The following PPP5C variants were observed in gnomAD, a reference collection of about 807,000 sequenced individuals.
PPP5C encodes the protein serine/threonine-protein phosphatase 5.
Under a neutral mutation model 66.7 loss-of-function variants are expected in PPP5C, and 21 were observed. That is an observed-to-expected ratio of 0.31 (90% confidence interval 0.22 to 0.45). The LOEUF is 0.45. Among genes scored for constraint, PPP5C ranks in the 20% least tolerant of loss-of-function variants. The pLI is 1.00. For missense variants in PPP5C, 464 were observed against 675.9 expected, an observed-to-expected ratio of 0.69 and a Z score of 3.48; for synonymous variants, 246 against 257.4, an observed-to-expected ratio of 0.96 and a Z score of 0.43.
intron 1 of PPP5C, among the ~76,000 whole-genome samples, chr19:46,349,817 T>G (rs1601407875): frequency 1.4e-5 from 2 of 143,116 alleles, no homozygotes; most frequent in African/African-American, 2.6e-5. Flanking sequence ...GAAGTGAGAG[T>G]GGCTGCCTGG....
chr19:46,363,676 C>G (rs893328394), intron 2 of PPP5C, among the ~76,000 whole-genome samples: 1 of 151,948 alleles, frequency 6.6e-6, no homozygotes, highest in Non-Finnish European at 1.5e-5. Context: ...GATCTGCCCC[C>G]GCTCAGCCTC....
chr19:46,356,469 G>A (rs765525796), intron 2 of PPP5C, among the ~76,000 whole-genome samples: 25 of 152,212 alleles, frequency 1.6e-4, no homozygotes, highest in African/African-American at 2.7e-4. Context: ...GGCCTTGGGC[G>A]GGGGAGCTCC....
At chr19:46,367,641 G>A (rs1408196096) in intron 2 of PPP5C, among the ~76,000 whole-genome samples, 1 of 152,120 alleles carries the variant, frequency 6.6e-6, no homozygotes, top group Non-Finnish European at 1.5e-5. Context: ...AGGGGGCCCC[G>A]GCATCCCTGG....
At chr19:46,361,535 A>G in intron 2 of PPP5C, among the ~76,000 whole-genome samples, 1 of 146,956 alleles carries the variant, frequency 6.8e-6, no homozygotes, top group East Asian at 2.0e-4. Context: ...TCATGAGGTC[A>G]AGAGATCGAG....
rs760601651 is a variant in PPP5C, at chr19:46,347,122, C to T, written c.26C>T (p.Thr9Ile). The T allele has an allele frequency of 6.2e-7, 1 of 1,604,520 alleles. No homozygotes were observed. Among genetic ancestry groups the T allele is most frequent in the Non-Finnish European group, 8.5e-7 (1 of 1,175,816 alleles). Residue 9 changes from threonine to isoleucine, a missense_variant, in exon 1 of 13, where the codon ACT becomes ATT. This residue lies in a region of PPP5C where 77 missense variants were observed against 49.9 expected (regional missense o/e 1.54). Coordinates refer to ENST00000012443, the MANE Select transcript of PPP5C (RefSeq NM_006247.4). MAMAEGER[T>I]ECAEPPRDEP... Reference sequence around the variant, plus strand: ...ATGGCGATGGCGGAGGGCGAGAGGACTGAGTGTGCTGAGCCCCCCCGGGAC... The same window carrying T: ...ATGGCGATGGCGGAGGGCGAGAGGATTGAGTGTGCTGAGCCCCCCCGGGAC...
intron 7 of PPP5C, 39 bp downstream of exon 7, chr19:46,384,948 G>T (rs1972857027): frequency 1.4e-6 from 2 of 1,459,324 alleles, no homozygotes; most frequent in Non-Finnish European, 1.9e-6. Context: ...TCATTGTGGG[G>T]TCCTGAGTGG....
chr19:46,373,730 G>GCGGGGTGGACAGAC (rs1361364994), intron 2 of PPP5C, among the ~76,000 whole-genome samples: 3 of 152,160 alleles, frequency 2.0e-5, no homozygotes, highest in African/African-American at 7.2e-5. Flanking sequence ...CCACCTTCCA[G>GCGGGGTGGACAGAC]CGGGGTGGAC....
chr19:46,362,313 A>G (rs1022985173), intron 2 of PPP5C, among the ~76,000 whole-genome samples: 5 of 152,200 alleles, frequency 3.3e-5, no homozygotes, highest in African/African-American at 4.8e-5. Flanking sequence ...CAATTTTTCA[A>G]TGGAACAGGA....
chr19:46,358,643 C>G (rs980505463), intron 2 of PPP5C, among the ~76,000 whole-genome samples: 3 of 152,158 alleles, frequency 2.0e-5, no homozygotes, highest in African/African-American at 4.8e-5. Flanking sequence ...GAGGACCAGC[C>G]TGGGAGCCTC....
At chr19:46,389,362 AACACACACACACACACAC>A (rs57181889) in intron 11 of PPP5C, among the ~76,000 whole-genome samples, 383 of 97,884 alleles carry the variant, frequency 3.9e-3, no homozygotes, top group Admixed American at 6.6e-3. Flanking sequence ...TCCATCTCAA[AACACACACACACACACAC>A]ACACACACAC....
Position 46,376,456 on chromosome 19 carries a change from T to C in PPP5C, c.515T>C (p.Ile172Thr). The C allele has an allele frequency of 1.2e-6, 2 of 1,613,236 alleles. No homozygotes were observed. Among genetic ancestry groups the C allele is most frequent in the Non-Finnish European group, 1.7e-6 (2 of 1,179,546 alleles). ...TGTCCCGTTGTTCACACCCTAGCCATTGAGGATGAGTACAGCGGACCCAAG... is the reference window on the plus strand; with the variant it reads ...TGTCCCGTTGTTCACACCCTAGCCACTGAGGATGAGTACAGCGGACCCAAG... ...VDSLDIESMT[I>T]EDEYSGPKLE... Residue 172 changes from isoleucine (I) to threonine (T), a missense_variant, in exon 4 of 13, where the codon ATT (isoleucine) becomes ACT (threonine). Around this residue, in one of 2 missense-constraint regions of PPP5C, gnomAD observed 387 missense variants for 626.0 expected, o/e 0.62. Transcript: ENST00000012443. The surrounding 1 kb of genome is among the most constrained non-coding windows in gnomAD (Gnocchi z 5.1).
In PPP5C at chr19:46,390,459, C is replaced by A. The variant is rs1339473024; in HGVS notation, c.*113C>A. 26 of 1,524,656 alleles carry A rather than the reference C, an allele frequency of 1.7e-5. No homozygotes were observed. Among genetic ancestry groups the A allele is most frequent in the Non-Finnish European group, 2.3e-5 (26 of 1,134,856 alleles). 94.4% of individuals were successfully genotyped at this position (1,524,656 alleles called of 1,614,324 possible). A position where few individuals can be genotyped will look rare whatever the true frequency, so the allele number is the denominator to read the frequency against. ...CAGGGCAATGTTGGACCCCCTTTTACTTTGTAAAGTTTGTATTTATTCCCC... is the reference window on the plus strand; with the variant it reads ...CAGGGCAATGTTGGACCCCCTTTTAATTTGTAAAGTTTGTATTTATTCCCC... On this transcript the variant is annotated 3_prime_UTR_variant, in exon 13 of 13. Coordinates refer to ENST00000012443, the MANE Select transcript of PPP5C (RefSeq NM_006247.4).
In PPP5C at chr19:46,390,792, CT is replaced by C. The variant is rs1252092026; in HGVS notation, c.*447del. The C allele has an allele frequency of 1.8e-6, 2 of 1,126,826 alleles. No homozygotes were observed. Among genetic ancestry groups the C allele is most frequent in the Non-Finnish European group, 2.2e-6 (2 of 909,546 alleles). 69.8% of individuals were successfully genotyped at this position (1,126,826 alleles called of 1,614,324 possible). ...TGGGGCTAGGCTGGGGCTCACCCCC[CT>C]CCCCAGCTATTTTATGTCTGTAATT... On this transcript the variant is annotated 3_prime_UTR_variant, in exon 13 of 13. Coordinates refer to ENST00000012443, the MANE Select transcript of PPP5C (RefSeq NM_006247.4).
intron 2 of PPP5C, among the ~76,000 whole-genome samples, chr19:46,363,336 A>C (rs201937218): frequency 0.35 from 29,850 of 85,796 alleles, 6,154 homozygotes; most frequent in Non-Finnish European, 0.39. Context: ...AAAAAAAAAA[A>C]AAAAAAAAAA....
Position 46,388,611 on chromosome 19 carries a change from A to G in PPP5C, c.1235A>G (p.Lys412Arg). The G allele has an allele frequency of 1.9e-6, 3 of 1,614,186 alleles. No individual in the cohort carries two copies. The highest frequency in any genetic ancestry group is 1.1e-5 in the South Asian group (1 of 91,084). ...VSCQFGPDVTKAFLEENNLDY... is the reference protein window; with the variant it reads ...VSCQFGPDVTRAFLEENNLDY... ...TGTCAGTTTGGGCCTGACGTCACCAAGGCCTTCTTGGAAGAGAACAACCTG... is the reference window on the plus strand; with the variant it reads ...TGTCAGTTTGGGCCTGACGTCACCAGGGCCTTCTTGGAAGAGAACAACCTG... Residue 412 changes from lysine (K) to arginine (R), a missense_variant, in exon 11 of 13, where the codon AAG becomes AGG. Around this residue, in one of 2 missense-constraint regions of PPP5C, gnomAD observed 387 missense variants for 626.0 expected, o/e 0.62. Coordinates refer to ENST00000012443, the MANE Select transcript of PPP5C (RefSeq NM_006247.4). The surrounding 1 kb of genome is among the most constrained non-coding windows in gnomAD (Gnocchi z 4.9).
At chr19:46,348,645 G>T (rs371858664) in intron 1 of PPP5C, among the ~76,000 whole-genome samples, 43 of 152,134 alleles carry the variant, frequency 2.8e-4, no homozygotes, top group African/African-American at 9.9e-4. Context: ...AAATGGGCCA[G>T]TCTGGACTGG....
chr19:46,366,352 GT>G (rs1224564382), intron 2 of PPP5C, among the ~76,000 whole-genome samples: 3 of 148,164 alleles, frequency 2.0e-5, no homozygotes, highest in Non-Finnish European at 3.0e-5. Flanking sequence ...TGTGGTTTTT[GT>G]TTTTTTTTTA....
In PPP5C at chr19:46,382,859, T is replaced by A. The variant is rs558881693; in HGVS notation, c.634-552T>A. 4 of 1,063,384 alleles carry A rather than the reference T, an allele frequency of 3.8e-6. No individual in the cohort carries two copies. The African/African-American group carries it at 6.7e-5, about 18-fold the overall frequency. 65.9% of individuals were successfully genotyped at this position (1,063,384 alleles called of 1,614,324 possible). ...ACAAATATGCATGTCATTGTCAAGG[T>A]CATATCCAATCTGTGAAAAATAAAT... On this transcript the variant is annotated intron_variant, in intron 4 of 12. Transcript: ENST00000012443.
At chr19:46,358,928 G>A (rs191412491) in intron 2 of PPP5C, among the ~76,000 whole-genome samples, 1 of 152,316 alleles carries the variant, frequency 6.6e-6, no homozygotes, top group Admixed American at 6.5e-5. Context: ...TTTTTCTCAA[G>A]ATGGGGAGTG....
Sources: gnomAD v4.1 joint callset for allele counts (sites outside exome capture counted in the v4.1 genomes callset) on GRCh38, gnomAD v4.1.1 for gene constraint, gnomAD v4.1.1 regional missense constraint, Gnocchi (gnomAD v3.1) non-coding constraint, MANE v1.5 for transcripts, NCBI Gene and HGNC (gene_info 2026-07-23, HGNC 2026-07-21) for gene names.